Variants in ZRANB3 observed in about 807,000 individuals in gnomAD.
ZRANB3 encodes DNA annealing helicase and endonuclease ZRANB3.
A neutral mutation model predicts 133.8 loss-of-function variants in ZRANB3; 125 were observed. The ratio of observed to expected loss-of-function variants is 0.93; its 90% confidence interval spans 0.81 to 1.08. ZRANB3 has a LOEUF of 1.08. ZRANB3 is among the 50% of genes least tolerant of loss of function. ZRANB3 has a pLI of 0.00. For missense variants in ZRANB3, 1,229 were observed against 1,275.5 expected (o/e 0.96, Z 0.56); for synonymous variants, 387 against 432.7 (o/e 0.89, Z 1.31).
Position 135,292,270 on chromosome 2 carries a change from A to T in ZRANB3, c.967-16515T>A, listed in dbSNP as rs555159886. On this transcript the variant is annotated intron_variant, in intron 8 of 20. Coordinates refer to ENST00000264159, the MANE Select transcript of ZRANB3 (RefSeq NM_032143.4). ...TCTCCAGCACCTGTTGTTTCCTGAC[A>T]TTTTAATGATCGCCATTCTAACTGG... Among the ~76,000 whole-genome samples, 459 of 148,788 alleles carry T rather than the reference A, an allele frequency of 3.1e-3. 4 individuals are homozygous for T. Among genetic ancestry groups the T allele is most frequent in the African/African-American group, 0.01 (416 of 39,714 alleles).
At chr2:135,249,127 G>A (rs540398922) in intron 12 of ZRANB3, among the ~76,000 whole-genome samples, 1 of 152,324 alleles carries the variant, frequency 6.6e-6, no homozygotes, top group East Asian at 1.9e-4. Context: ...AGAGAAAAGG[G>A]AACACATACA....
intron 15 of ZRANB3, among the ~76,000 whole-genome samples, chr2:135,219,409 G>A (rs1694444196): frequency 6.6e-6 from 1 of 152,184 alleles, no homozygotes; most frequent in East Asian, 1.9e-4. Context: ...CCCATGCCTA[G>A]CCCAAGGCTA....
At chr2:135,370,315 T>C (rs1411331264) in intron 3 of ZRANB3, among the ~76,000 whole-genome samples, 1 of 152,060 alleles carries the variant, frequency 6.6e-6, no homozygotes, top group African/African-American at 2.4e-5. Flanking sequence ...TTTAGTCTTT[T>C]ATCCTTCACC....
chr2:135,529,503 G>C (rs1252072662), intron 1 of ZRANB3, among the ~76,000 whole-genome samples: 3 of 151,718 alleles, frequency 2.0e-5, no homozygotes, highest in Non-Finnish European at 4.4e-5. Flanking sequence ...CACGTTTTTT[G>C]TTTTTGTTTT....
chr2:135,242,912 T>C (rs1321376679), intron 12 of ZRANB3, among the ~76,000 whole-genome samples: 1 of 152,236 alleles, frequency 6.6e-6, no homozygotes, highest in Non-Finnish European at 1.5e-5. Flanking sequence ...CTGTGTCTAC[T>C]GATGGTAGTT....
chr2:135,222,357 G>A (rs914877076), intron 15 of ZRANB3, among the ~76,000 whole-genome samples: 16 of 149,252 alleles, frequency 1.1e-4, no homozygotes, highest in African/African-American at 3.7e-4. Flanking sequence ...AACCGAGATC[G>A]CACCACTGCA....
chr2:135,390,023 G>C (rs899454375), intron 3 of ZRANB3, among the ~76,000 whole-genome samples: 5 of 151,326 alleles, frequency 3.3e-5, no homozygotes, highest in African/African-American at 1.2e-4. Context: ...TGGGACTACA[G>C]ATGCCTGCCA....
intron 6 of ZRANB3, among the ~76,000 whole-genome samples, chr2:135,319,560 T>G (rs1361547490): frequency 6.6e-6 from 1 of 152,224 alleles, no homozygotes; most frequent in Non-Finnish European, 1.5e-5. Context: ...ATCAAATTTC[T>G]GTCAAATATA....
At chr2:135,305,503 G>T (rs566496393) in intron 8 of ZRANB3, among the ~76,000 whole-genome samples, 1 of 152,096 alleles carries the variant, frequency 6.6e-6, no homozygotes, top group Non-Finnish European at 1.5e-5. Flanking sequence ...AACATTTAAC[G>T]TTATGTTTTA....
intron 5 of ZRANB3, among the ~76,000 whole-genome samples, chr2:135,348,160 G>A (rs570139252): frequency 6.6e-6 from 1 of 152,060 alleles, no homozygotes; most frequent in African/African-American, 2.4e-5. Context: ...TCGGGAGGCT[G>A]AGGCAGAAGA....
intron 3 of ZRANB3, among the ~76,000 whole-genome samples, chr2:135,359,139 C>T (rs765746581): frequency 5.3e-4 from 81 of 152,258 alleles, no homozygotes; most frequent in South Asian, 4.1e-4. Flanking sequence ...AGGTCCATTG[C>T]ATCTCTTCAG....
At chr2:135,364,682 G>A (rs1685843325) in intron 3 of ZRANB3, among the ~76,000 whole-genome samples, 1 of 152,098 alleles carries the variant, frequency 6.6e-6, no homozygotes, top group Admixed American at 6.6e-5. Flanking sequence ...GCCCTGGGAG[G>A]CGAAGGTTGC....
At chr2:135,211,696 CAT>C (rs1694101632) in intron 17 of ZRANB3, among the ~76,000 whole-genome samples, 1 of 147,004 alleles carries the variant, frequency 6.8e-6, no homozygotes, top group African/African-American at 2.6e-5. Context: ...TCCTTATTAT[CAT>C]AGTTTCCCTA....
At chr2:135,445,011 C>T (rs1278851974) in intron 2 of ZRANB3, among the ~76,000 whole-genome samples, 1 of 151,954 alleles carries the variant, frequency 6.6e-6, no homozygotes, top group African/African-American at 2.4e-5. Flanking sequence ...AACCCAACAA[C>T]AATAGGACCT....
intron 1 of ZRANB3, among the ~76,000 whole-genome samples, chr2:135,512,968 C>A (rs567584939): frequency 8.5e-5 from 13 of 152,232 alleles, no homozygotes; most frequent in Admixed American, 2.6e-4. Flanking sequence ...ACAAATCTGA[C>A]CCATTTGGTG....
At chr2:135,355,506 C>T (rs1330907295) in intron 3 of ZRANB3, among the ~76,000 whole-genome samples, 3 of 152,040 alleles carry the variant, frequency 2.0e-5, no homozygotes, top group African/African-American at 4.8e-5. Context: ...AGGTGGCATG[C>T]CCCACCACGC....
intron 3 of ZRANB3, among the ~76,000 whole-genome samples, chr2:135,354,824 C>T (rs1685360227): frequency 6.6e-6 from 1 of 152,098 alleles, no homozygotes; most frequent in African/African-American, 2.4e-5. Flanking sequence ...CGGTCTATAC[C>T]TTGATGTTAG....
At chr2:135,205,818 A>G (rs1458323019) in intron 19 of ZRANB3, among the ~76,000 whole-genome samples, 21 of 152,338 alleles carry the variant, frequency 1.4e-4, no homozygotes, top group African/African-American at 4.8e-4. Context: ...GTGAGTGTAT[A>G]TACACATACA....
intron 12 of ZRANB3, among the ~76,000 whole-genome samples, chr2:135,259,445 G>A (rs576654755): frequency 8.1e-4 from 123 of 150,952 alleles, no homozygotes; most frequent in African/African-American, 2.7e-3. Context: ...ATGGAGTTTC[G>A]CTGTTGTTGC....
Sources: gnomAD v4.1 joint callset for allele counts (sites outside exome capture counted in the v4.1 genomes callset) on GRCh38, gnomAD v4.1.1 for gene constraint, MANE v1.5 for transcripts, NCBI Gene and HGNC (gene_info 2026-07-23, HGNC 2026-07-21) for gene names.